The following ESRP2 variants were observed in gnomAD, a reference collection of about 807,000 sequenced individuals.
The protein encoded by ESRP2 is epithelial splicing regulatory protein 2, also known as RNA binding motif protein 35A.
In ESRP2, 48 loss-of-function variants were observed where a neutral mutation model predicts 78.6. That is an observed-to-expected ratio of 0.61 (90% CI 0.48 to 0.78). The LOEUF is 0.78. Ranked by LOEUF, ESRP2 falls within the 30% of genes least tolerant of loss-of-function variation. ESRP2 has a pLI of 0.00. For synonymous variants in ESRP2, 383 were observed against 406.7 expected (o/e 0.94, Z 0.70); for missense variants, 863 against 965.9 (o/e 0.89, Z 1.41).
chr16:68,234,259 C>T, intron 2 of ESRP2, 152 bp from the exon 3 acceptor site: 1 of 628,990 alleles, frequency 1.6e-6, no homozygotes, highest in Non-Finnish European at 2.8e-6. Context: ...GCCTGTTGAG[C>T]CTAGCCCTAT....
Position 68,231,226 on chromosome 16 carries a change from C to G in ESRP2, c.1663G>C (p.Gly555Arg). ...GACATGCCACTGCGGCCCAAGGTGC[C>G]CCCCATCAGCACTCGGCTCATCTCC... is the stretch of plus-strand genomic sequence containing the variant. Reference protein sequence around the residue: ...TEEMSRVLMGGTLGRSGMSPP... With the variant: ...TEEMSRVLMGRTLGRSGMSPP... The change falls in exon 12 of 15, where the codon GGC (glycine) becomes CGC (arginine). Residue 555 changes from glycine to arginine, a missense_variant. By Grantham distance (125) the Gly-to-Arg change is moderately radical (BLOSUM62 -2). Transcript: ENST00000473183. The surrounding 1 kb of genome is among the most constrained non-coding windows in gnomAD (Gnocchi z 6.0). The G allele has an allele frequency of 6.2e-7, 1 of 1,613,896 alleles. No homozygotes were observed. The highest frequency in any genetic ancestry group is 8.5e-7 in the Non-Finnish European group (1 of 1,179,968).
Position 68,230,565 on chromosome 16 carries a change from A to G in ESRP2, c.1899-11T>C, listed in dbSNP as rs1475719974. 1 of 1,550,692 alleles carries G rather than the reference A, an allele frequency of 6.4e-7. No homozygotes were observed. Among genetic ancestry groups the G allele is most frequent in the East Asian group, 2.3e-5 (1 of 44,350 alleles). On this transcript the variant is annotated splice_polypyrimidine_tract_variant and intron_variant, in intron 13 of 14. Coordinates refer to ENST00000473183, the MANE Select transcript of ESRP2 (RefSeq NM_024939.3). ...GGGGAGACTGGGGGGCTAGGGTGGG[A>G]GAGACAAGGTTTAGTCATGCATGCC...
intron 2 of ESRP2, 94 bp from the exon 3 acceptor site, chr16:68,234,201 G>T: frequency 1.0e-6 from 1 of 956,426 alleles, no homozygotes; most frequent in Non-Finnish European, 1.6e-6. Flanking sequence ...CTGCAAAGCT[G>T]GTTCAGCCAG....
In ESRP2 at chr16:68,230,529, C is replaced by T; in HGVS notation, c.1924G>A (p.Gly642Ser). 1 of 1,587,598 alleles carries T rather than the reference C, an allele frequency of 6.3e-7. No individual in the cohort carries two copies. The highest frequency in any genetic ancestry group is 1.2e-5 in the South Asian group (1 of 86,828). ...PSPPVSPTTV[G>S]YLTTPTAALA... ...GCAGCAGTGGGTGTAGTGAGGTAGC[C>T]CACAGTGGTGGGGGAGACTGGGGGG... The change falls in exon 14 of 15, where the codon GGC becomes AGC. Residue 642 changes from glycine to serine, a missense_variant. Gly to Ser is a moderately conservative substitution (Grantham distance 56). Coordinates refer to ENST00000473183, the MANE Select transcript of ESRP2 (RefSeq NM_024939.3).
In ESRP2 at chr16:68,231,804, G is replaced by T; in HGVS notation, c.1297C>A (p.Gln433Lys). 6.2e-7 allele frequency: 1 copy of T among 1,607,412 alleles called. No individual in the cohort carries two copies. The highest frequency in any genetic ancestry group is 8.5e-7 in the Non-Finnish European group (1 of 1,174,564). ...LFRSTAAEVQQVLNRYASGPL... is the reference protein window; with the variant it reads ...LFRSTAAEVQKVLNRYASGPL... ...GGTGGGGAGCCCTGGGCGCTCACCT[G>T]CTGCACTTCGGCTGCAGTGCTCCGG... Residue 433 changes from glutamine to lysine, a missense_variant and splice_region_variant, in exon 10 of 15, where the codon CAG becomes AAG. Gln to Lys is a moderately conservative substitution (Grantham distance 53). Coordinates refer to ENST00000473183, the MANE Select transcript of ESRP2 (RefSeq NM_024939.3). The surrounding 1 kb of genome is among the most constrained non-coding windows in gnomAD (Gnocchi z 6.0).
At chr16:68,230,584 G>C in intron 13 of ESRP2, 30 bp from the exon 14 acceptor site, 7 of 1,536,194 alleles carry the variant, frequency 4.6e-6, no homozygotes, top group Non-Finnish European at 6.1e-6. Flanking sequence ...GTTTAGTCAT[G>C]CATGCCACCT....
chr16:68,231,136 C>T lies in ESRP2; in HGVS notation c.1711+42G>A. The stretch of plus-strand genomic sequence containing the variant: ...AAGGTAGGGGCTTACAACAGCCTGG[C>T]TACCACAGGCCTCCTCCTCCCCTAG... On this transcript the variant is annotated intron_variant, in intron 12 of 14. Transcript: ENST00000473183. The surrounding 1 kb of genome is among the most constrained non-coding windows in gnomAD (Gnocchi z 6.0). 6.2e-7 allele frequency: 1 copy of T among 1,610,754 alleles called. No homozygotes were observed. The highest frequency in any genetic ancestry group is 8.5e-7 in the Non-Finnish European group (1 of 1,178,174).
chr16:68,233,196 CAAAAA>C (rs377116348), intron 5 of ESRP2, 126 bp downstream of exon 5: 140 of 523,060 alleles, frequency 2.7e-4, no homozygotes, highest in Middle Eastern at 5.0e-4. Context: ...GAGACTGTCT[CAAAAA>C]AAAAAAAAAA....
chr16:68,234,984 G>A (rs2042203269), intron 2 of ESRP2: 1 of 280,550 alleles, frequency 3.6e-6, no homozygotes, highest in Non-Finnish European at 5.4e-6. Flanking sequence ...GTCAGACATA[G>A]AATGAGCGCC....
Position 68,232,533 on chromosome 16 carries a change from G to A in ESRP2, c.822-30C>T. 1 of 1,614,088 alleles carries A rather than the reference G, an allele frequency of 6.2e-7. No individual in the cohort carries two copies. The highest frequency in any genetic ancestry group is 1.3e-5 in the African/African-American group (1 of 75,050). On this transcript the variant is annotated intron_variant, in intron 7 of 14. Coordinates refer to ENST00000473183, the MANE Select transcript of ESRP2 (RefSeq NM_024939.3). The surrounding 1 kb of genome is among the most constrained non-coding windows in gnomAD (Gnocchi z 5.2). ...GGAGCCAGTGCTGTTAGTGCCTCCT[G>A]GGTAGGCCTGTCCAATTGGGCCCAC... is the stretch of plus-strand genomic sequence containing the variant.
Position 68,231,870 on chromosome 16 carries a change from T to C in ESRP2, c.1231A>G (p.Arg411Gly). ...CGCTTACCCAGCATGCCCTTGTGCC[T>C]GCGCAGTGCAGCCTGTGCCAGCTCC... The part of the protein sequence containing the change: ...CEELAQAALR[R>G]HKGMLGKRYI... Residue 411 changes from arginine (R) to glycine (G), a missense_variant, in exon 10 of 15, where the codon AGG becomes GGG. Transcript: ENST00000473183. The surrounding 1 kb of genome is among the most constrained non-coding windows in gnomAD (Gnocchi z 6.0). 1 of 1,614,004 alleles carries C rather than the reference T, an allele frequency of 6.2e-7. No individual in the cohort carries two copies. The highest frequency in any genetic ancestry group is 8.5e-7 in the Non-Finnish European group (1 of 1,179,976).
At chr16:68,233,668 G>T in intron 4 of ESRP2, 100 bp downstream of exon 4, 1 of 888,356 alleles carries the variant, frequency 1.1e-6, no homozygotes, top group Non-Finnish European at 1.8e-6. Context: ...AGATAACGCA[G>T]TCTTGTATGT....
intron 4 of ESRP2, 51 bp downstream of exon 4, chr16:68,233,717 A>G: frequency 1.5e-6 from 2 of 1,347,310 alleles, no homozygotes; most frequent in South Asian, 1.2e-5. Flanking sequence ...ATACTCAGAC[A>G]CATGTACCCA....
Position 68,232,519 on chromosome 16 carries a change from T to A in ESRP2, c.822-16A>T. ...TACACCACCCCTGTGGAGCCAGTGCTGTTAGTGCCTCCTGGGTAGGCCTGT... is the reference window on the plus strand; with the variant it reads ...TACACCACCCCTGTGGAGCCAGTGCAGTTAGTGCCTCCTGGGTAGGCCTGT... On this transcript the variant is annotated splice_polypyrimidine_tract_variant and intron_variant, in intron 7 of 14. Coordinates refer to ENST00000473183, the MANE Select transcript of ESRP2 (RefSeq NM_024939.3). The surrounding 1 kb of genome is among the most constrained non-coding windows in gnomAD (Gnocchi z 5.2). 1 of 1,614,090 alleles carries A rather than the reference T, an allele frequency of 6.2e-7. No individual in the cohort carries two copies.
In ESRP2 at chr16:68,235,590, T is replaced by C; in HGVS notation, c.327+44A>G. ...TCCGGCCGCCAATCCCGCCCAGAAA[T>C]GTCCTCACGTCCAGGCCATGCCGCC... On this transcript the variant is annotated intron_variant, in intron 2 of 14. Coordinates refer to ENST00000473183, the MANE Select transcript of ESRP2 (RefSeq NM_024939.3). This position sits in a 1 kb window ranked among gnomAD's most constrained non-coding sequence, Gnocchi z 5.5. 1.3e-6 allele frequency: 2 copies of C among 1,593,048 alleles called. No homozygotes were observed. Among genetic ancestry groups the C allele is most frequent in the Non-Finnish European group, 1.7e-6 (2 of 1,177,650 alleles).
Position 68,230,823 on chromosome 16 carries a change from C to T in ESRP2, c.1898+18G>A, listed in dbSNP as rs1469069011. Reference sequence around the variant, plus strand: ...GGACAGGGAGTGGGACTGTGATATTCTCTTAGCTGCAGGGTACCTTGGGTA... The same window carrying T: ...GGACAGGGAGTGGGACTGTGATATTTTCTTAGCTGCAGGGTACCTTGGGTA... On this transcript the variant is annotated intron_variant, in intron 13 of 14. Coordinates refer to ENST00000473183, the MANE Select transcript of ESRP2 (RefSeq NM_024939.3). 16 of 1,613,586 alleles carry T rather than the reference C, an allele frequency of 9.9e-6. No individual in the cohort carries two copies. Among genetic ancestry groups the T allele is most frequent in the Admixed American group, 1.7e-5 (1 of 59,962 alleles).
chr16:68,235,755 G>A lies in ESRP2; in HGVS notation c.206C>T (p.Thr69Met), dbSNP rs1347395523. 1 of 1,609,756 alleles carries A rather than the reference G, an allele frequency of 6.2e-7. No homozygotes were observed. The highest frequency in any genetic ancestry group is 8.5e-7 in the Non-Finnish European group (1 of 1,178,998). The change falls in exon 2 of 15, where the codon ACG (threonine) becomes ATG (methionine). Residue 69 changes from threonine to methionine, a missense_variant. By Grantham distance (81) the Thr-to-Met change is moderately conservative. Coordinates refer to ENST00000473183, the MANE Select transcript of ESRP2 (RefSeq NM_024939.3). The surrounding 1 kb of genome is among the most constrained non-coding windows in gnomAD (Gnocchi z 5.5). ...VVEPRSRQVG[T>M]LHKSLVRAEA... Reference sequence around the variant, plus strand: ...GGCACGAACCAGCGATTTGTGCAGCGTCCCCACCTGTGAGCGGCGGGGGAA... The same window carrying A: ...GGCACGAACCAGCGATTTGTGCAGCATCCCCACCTGTGAGCGGCGGGGGAA...
rs12597504 is a variant in ESRP2, at chr16:68,234,103, G to A, written c.332C>T (p.Ser111Leu). 2 of 1,608,304 alleles carry A rather than the reference G, an allele frequency of 1.2e-6. No homozygotes were observed. The highest frequency in any genetic ancestry group is 1.7e-6 in the Non-Finnish European group (2 of 1,177,116). ...AGCCACATCCCCGTTCACCAGCTGT[G>A]AGAACTGGGGATAGGGAATGGGGAG... ...EPLDKVLQQF[S>L]QLVNGDVALL... The change falls in exon 3 of 15, where the codon TCA (serine) becomes TTA (leucine). Residue 111 changes from serine (S) to leucine (L), a missense_variant. Physicochemically the swap from Ser to Leu is moderately radical, Grantham distance 145 (BLOSUM62 -2). Transcript: ENST00000473183.
chr16:68,235,908 G>C lies in ESRP2; in HGVS notation c.138C>G (p.Gly46=), dbSNP rs201768733. ...GGAGGATTAAGTCGGTCTCGTCCGA[G>C]CCCAGGTCCCGTCCCAGCGCACCCG... ...ATAGALGRDL[G]SDETDLILLV... The change falls in exon 1 of 15, where the codon GGC becomes GGG. Residue 46 remains glycine (G), a synonymous_variant. Transcript: ENST00000473183. The surrounding 1 kb of genome is among the most constrained non-coding windows in gnomAD (Gnocchi z 5.5). 162 of 1,610,012 alleles carry C rather than the reference G, an allele frequency of 1.0e-4. No homozygotes were observed. The highest frequency in any genetic ancestry group is 8.3e-4 in the Middle Eastern group (5 of 6,054).
Sources: allele counts gnomAD v4.1 joint callset, GRCh38; gene constraint gnomAD v4.1.1; non-coding constraint Gnocchi (gnomAD v3.1); transcripts MANE v1.5; gene names NCBI Gene and HGNC (gene_info 2026-07-23, HGNC 2026-07-21).